The following MALRD1 variants were observed in gnomAD, a reference collection of about 807,000 sequenced individuals.
MALRD1 encodes the protein MAM and LDL receptor class A domain containing 1.
MALRD1 carries 247 observed loss-of-function variants against 242.1 expected under a neutral mutation model. The observed-to-expected ratio is 1.02, with a 90% confidence interval of 0.92 to 1.13. MALRD1 has a LOEUF of 1.13. MALRD1 is among the 50% of genes most tolerant of loss of function. The pLI, the probability that MALRD1 is intolerant of heterozygous loss-of-function variation, is 0.00. For missense variants in MALRD1, 2,989 were observed against 2,533.1 expected, an observed-to-expected ratio of 1.18 and a Z score of -3.86; for synonymous variants, 995 against 866.6, an observed-to-expected ratio of 1.15 and a Z score of -2.60.
rs1414936086 is a variant in MALRD1, at chr10:19,358,218, G to GTT, written c.4441+5922_4441+5923insTT. Among the ~76,000 whole-genome samples, 43 of 151,950 alleles carry GTT rather than the reference G, an allele frequency of 2.8e-4. 1 individual carries two copies. The East Asian group carries it at 4.6e-3, about 16-fold the overall frequency. On this transcript the variant is annotated intron_variant, in intron 26 of 39. Coordinates refer to ENST00000454679, the MANE Select transcript of MALRD1 (RefSeq NM_001142308.3). ...CAAGTGTGTGTGTGTGTGTGTGTGT[G>GTT]TGTGTGTGTGTGTATGAGTTTAATC... is the stretch of plus-strand genomic sequence containing the variant.
chr10:19,179,453 C>A (rs931782759), intron 14 of MALRD1, among the ~76,000 whole-genome samples: 5 of 152,138 alleles, frequency 3.3e-5, no homozygotes, highest in African/African-American at 9.6e-5. Flanking sequence ...AGTTCAAGAC[C>A]AGCCTGGCCA....
chr10:19,186,889 A>G (rs1564452513), intron 14 of MALRD1, among the ~76,000 whole-genome samples: 1 of 152,112 alleles, frequency 6.6e-6, no homozygotes, highest in Non-Finnish European at 1.5e-5. Context: ...GTGATAGGTA[A>G]AAAAGGGGCG....
intron 17 of MALRD1, among the ~76,000 whole-genome samples, chr10:19,205,550 A>G (rs994745744): frequency 6.6e-6 from 1 of 151,984 alleles, no homozygotes; most frequent in African/African-American, 2.4e-5. Context: ...TAAATATTTA[A>G]TAAAGAAAAA....
At chr10:19,295,941 C>G (rs1014365874) in intron 21 of MALRD1, among the ~76,000 whole-genome samples, 1 of 152,070 alleles carries the variant, frequency 6.6e-6, no homozygotes, top group African/African-American at 2.4e-5. Context: ...ATGTGGGAAC[C>G]TCACTTTGAG....
intron 18 of MALRD1, among the ~76,000 whole-genome samples, chr10:19,248,961 A>G (rs1303959225): frequency 2.7e-5 from 4 of 146,578 alleles, no homozygotes; most frequent in African/African-American, 9.9e-5. Context: ...ATTATATATT[A>G]TATATTTTGT....
At chr10:19,584,436 G>A (rs9731950) in intron 33 of MALRD1, among the ~76,000 whole-genome samples, 6,157 of 151,858 alleles carry the variant, frequency 0.041, 384 homozygotes, top group African/African-American at 0.13. Context: ...CTTTGTTCTC[G>A]TAGGTTTCAA....
At chr10:19,096,594 G>T (rs1210160381) in intron 4 of MALRD1, among the ~76,000 whole-genome samples, 2 of 152,164 alleles carry the variant, frequency 1.3e-5, no homozygotes, top group Non-Finnish European at 2.9e-5. Context: ...CCACAGAGAA[G>T]TGCTGTGCTT....
At chr10:19,421,866 T>C (rs1239424581) in intron 28 of MALRD1, among the ~76,000 whole-genome samples, 1 of 152,214 alleles carries the variant, frequency 6.6e-6, no homozygotes, top group Non-Finnish European at 1.5e-5. Context: ...TTGGCTTAGA[T>C]GCAGAGATTT....
chr10:19,590,249 A>G (rs1837693778), intron 33 of MALRD1, among the ~76,000 whole-genome samples: 1 of 148,722 alleles, frequency 6.7e-6, no homozygotes, highest in South Asian at 2.1e-4. Flanking sequence ...ATTGGTGGTG[A>G]TATATATATA....
chr10:19,373,366 T>C (rs761066766), intron 26 of MALRD1, among the ~76,000 whole-genome samples: 2 of 151,314 alleles, frequency 1.3e-5, no homozygotes, highest in Non-Finnish European at 3.0e-5. Context: ...AACAAAAAAA[T>C]GTAGCCAGAT....
intron 36 of MALRD1, among the ~76,000 whole-genome samples, chr10:19,660,438 G>A (rs779563459): frequency 7.9e-5 from 12 of 152,204 alleles, no homozygotes; most frequent in South Asian, 2.1e-4. Flanking sequence ...GAGGGTGAGA[G>A]GAGAAATACA....
rs370006834 is a variant in MALRD1 at position 19,050,443 on chromosome 10, T to A, written c.199+1306T>A. ...TTCATGTTTACAGAATTCATTCTTT[T>A]CTGCTAAAATAAGTTTCTACATATT... On this transcript the variant is annotated intron_variant, in intron 1 of 39. Transcript: ENST00000454679. Among the ~76,000 whole-genome samples, 4 of 152,190 alleles carry A rather than the reference T, an allele frequency of 2.6e-5. No individual in the cohort carries two copies. The East Asian group carries it at 5.8e-4, about 22-fold the overall frequency.
intron 33 of MALRD1, among the ~76,000 whole-genome samples, chr10:19,568,635 T>G (rs573784333): frequency 6.6e-6 from 1 of 152,120 alleles, no homozygotes; most frequent in South Asian, 2.1e-4. Context: ...ATCACCACTT[T>G]CTCATCTTCA....
intron 26 of MALRD1, among the ~76,000 whole-genome samples, chr10:19,366,917 T>C (rs902000527): frequency 6.6e-5 from 10 of 152,186 alleles, no homozygotes; most frequent in African/African-American, 2.4e-4. Flanking sequence ...TTTGTCAGTG[T>C]CTTTAAGTTT....
In MALRD1 at chr10:19,412,116, T is replaced by C. The variant is rs192779845; in HGVS notation, c.4845+22507T>C. Among the ~76,000 whole-genome samples, 754 of 152,224 alleles carry C rather than the reference T, an allele frequency of 5.0e-3. 9 individuals are homozygous for C. Among genetic ancestry groups the C allele is most frequent in the African/African-American group, 0.017 (712 of 41,542 alleles). On this transcript the variant is annotated intron_variant, in intron 28 of 39. Transcript: ENST00000454679. Reference sequence around the variant, plus strand: ...GAGTTCAAGACCAGCCTGGCCAACATGGTGAAACCCTGTCTCTACTAAAAA... The same window carrying C: ...GAGTTCAAGACCAGCCTGGCCAACACGGTGAAACCCTGTCTCTACTAAAAA...
intron 14 of MALRD1, among the ~76,000 whole-genome samples, chr10:19,199,101 A>G (rs1836399035): frequency 6.6e-6 from 1 of 152,170 alleles, no homozygotes; most frequent in South Asian, 2.1e-4. Flanking sequence ...ACCTAAGCCA[A>G]CATACTAGAA....
chr10:19,088,218 G>C (rs1223572735), intron 4 of MALRD1, 33 bp downstream of exon 4: 1 of 1,231,152 alleles, frequency 8.1e-7, no homozygotes, highest in Non-Finnish European at 1.0e-6. Flanking sequence ...CTATGGCCTT[G>C]AAGAAAAATA....
At chr10:19,586,874 C>A (rs961115696) in intron 33 of MALRD1, among the ~76,000 whole-genome samples, 3 of 152,200 alleles carry the variant, frequency 2.0e-5, no homozygotes. Flanking sequence ...TAGCAATCAG[C>A]GAGACTCCGT....
chr10:19,359,406 A>G (rs1844789944), intron 26 of MALRD1, among the ~76,000 whole-genome samples: 1 of 152,108 alleles, frequency 6.6e-6, no homozygotes, highest in South Asian at 2.1e-4. Flanking sequence ...CATTCCAAAT[A>G]CAAGTTCCAT....
Sources: allele counts gnomAD v4.1 joint callset (sites outside exome capture counted in the v4.1 genomes callset), GRCh38; gene constraint gnomAD v4.1.1; transcripts MANE v1.5; gene names NCBI Gene and HGNC (gene_info 2026-07-23, HGNC 2026-07-21).